The following PLSCR1 variants were observed in gnomAD, a reference collection of about 807,000 sequenced individuals.
PLSCR1 encodes phospholipid scramblase 1.
Under a neutral mutation model 37.8 loss-of-function variants are expected in PLSCR1, and 17 were observed. The observed-to-expected ratio is 0.45, with a 90% confidence interval of 0.31 to 0.68. The LOEUF is 0.68. PLSCR1 is among the 30% of genes least tolerant of loss of function. The pLI, the probability that PLSCR1 is intolerant of heterozygous loss-of-function variation, is 0.06. For missense variants in PLSCR1, 347 were observed against 380.9 expected (o/e 0.91, Z 0.74); for synonymous variants, 116 against 125.9 (o/e 0.92, Z 0.53).
rs529176970 is a variant in PLSCR1, at chr3:146,523,973, A to T, written c.355+1632T>A. ...AAGTCACTCTATAATGCCTATGTGG[A>T]AAGACTCTGAGTCGGATAAAGACGG... On this transcript the variant is annotated intron_variant, in intron 5 of 8. Coordinates refer to ENST00000342435, the MANE Select transcript of PLSCR1 (RefSeq NM_021105.3). Among the ~76,000 whole-genome samples, 16 of 152,348 alleles carry T rather than the reference A, an allele frequency of 1.1e-4. No individual in the cohort carries two copies. The East Asian group carries it at 3.1e-3, about 29-fold the overall frequency.
At position 146,515,252 on chromosome 3, in the gene PLSCR1, TA is replaced by T. The variant is rs2043931577; in HGVS notation, c.*792del. ...ATTATTTAGGTTTATACTCTGTGAA[TA>T]TATATATGATATTGTATTTAATTAA... On this transcript the variant is annotated 3_prime_UTR_variant, in exon 9 of 9. Coordinates refer to ENST00000342435, the MANE Select transcript of PLSCR1 (RefSeq NM_021105.3). 1.3e-5 allele frequency: 2 copies of T among 152,216 alleles called. No individual in the cohort carries two copies. Among genetic ancestry groups the T allele is most frequent in the Admixed American group, 1.3e-4 (2 of 15,274 alleles). 9.4% of individuals were successfully genotyped at this position (152,216 alleles called of 1,614,324 possible).
At chr3:146,522,078 T>G in intron 5 of PLSCR1, 25 bp from the exon 6 acceptor site, 1 of 1,205,160 alleles carries the variant, frequency 8.3e-7, no homozygotes, top group Non-Finnish European at 1.2e-6. Context: ...GACGAAATCA[T>G]AATCACCTCT....
intron 3 of PLSCR1, among the ~76,000 whole-genome samples, chr3:146,530,868 A>G (rs895064808): frequency 6.6e-6 from 1 of 152,206 alleles, no homozygotes; most frequent in African/African-American, 2.4e-5. Context: ...TCTTATCTAT[A>G]TCTTACAAAA....
At position 146,515,917 on chromosome 3, in the gene PLSCR1, T is replaced by C. The variant is rs2043939500; in HGVS notation, c.*128A>G. ...AATCAGTTATACAGAAGATAAACTA[T>C]AATTTGAAAAGCAAAAGTATACAAC... On this transcript the variant is annotated 3_prime_UTR_variant, in exon 9 of 9. Transcript: ENST00000342435. 1 of 576,632 alleles carries C rather than the reference T, an allele frequency of 1.7e-6. No individual in the cohort carries two copies. The highest frequency in any genetic ancestry group is 1.9e-5 in the African/African-American group (1 of 51,398). The allele number at this position is 576,632 out of a possible 1,614,324, so 35.7% of individuals were successfully genotyped here. A position where few individuals can be genotyped will look rare whatever the true frequency, so the allele number is the denominator to read the frequency against.
At chr3:146,526,685 T>C (rs1049676524) in intron 4 of PLSCR1, among the ~76,000 whole-genome samples, 3 of 151,914 alleles carry the variant, frequency 2.0e-5, no homozygotes, top group African/African-American at 7.3e-5. Flanking sequence ...ATACACACAA[T>C]GGAATAAAAA....
chr3:146,539,406 C>G (rs2044308735), intron 1 of PLSCR1, among the ~76,000 whole-genome samples: 1 of 152,200 alleles, frequency 6.6e-6, no homozygotes, highest in African/African-American at 2.4e-5. Context: ...GCTGTACAAG[C>G]CCAGTTCCTA....
At chr3:146,542,722 G>A (rs950378437) in intron 1 of PLSCR1, among the ~76,000 whole-genome samples, 1 of 151,990 alleles carries the variant, frequency 6.6e-6, no homozygotes, top group African/African-American at 2.4e-5. Flanking sequence ...CACTATTCAG[G>A]GCAGTGCAAT....
chr3:146,535,716 G>A (rs1008429641), intron 2 of PLSCR1, among the ~76,000 whole-genome samples: 2 of 152,108 alleles, frequency 1.3e-5, no homozygotes, highest in Non-Finnish European at 2.9e-5. Context: ...AAATAAACCA[G>A]TATAATTCTA....
At chr3:146,520,360 T>A (rs529631259) in intron 7 of PLSCR1, among the ~76,000 whole-genome samples, 145 of 152,300 alleles carry the variant, frequency 9.5e-4, no homozygotes, top group African/African-American at 3.4e-3. Context: ...AAACTTCTGT[T>A]AATATTGTTC....
chr3:146,539,478 A>T (rs2044309524), intron 1 of PLSCR1, among the ~76,000 whole-genome samples: 1 of 152,218 alleles, frequency 6.6e-6, no homozygotes, highest in African/African-American at 2.4e-5. Flanking sequence ...TGTTAAGAAT[A>T]GGTGGAGGAT....
chr3:146,526,183 C>CAAAAAAAAAAAAAAAAAAA (rs60229241), intron 4 of PLSCR1, among the ~76,000 whole-genome samples: 12 of 42,812 alleles, frequency 2.8e-4, no homozygotes, highest in Admixed American at 9.8e-4. Flanking sequence ...GACTCCATCT[C>CAAAAAAAAAAAAAAAAAAA]AAAAAAAAAA....
At chr3:146,525,693 G>GT in intron 4 of PLSCR1, 46 bp from the exon 5 acceptor site, 2 of 856,978 alleles carry the variant, frequency 2.3e-6, no homozygotes, top group Non-Finnish European at 3.7e-6. Context: ...TCAAATGAAG[G>GT]TTTTTATAAG....
intron 2 of PLSCR1, 66 bp downstream of exon 2, chr3:146,536,474 A>C: frequency 1.1e-6 from 1 of 899,244 alleles, no homozygotes. Flanking sequence ...CATTATGACA[A>C]ATAACAAGTT....
At chr3:146,544,425 G>C (rs1319986764) in intron 1 of PLSCR1, 42 bp downstream of exon 1, 3 of 152,418 alleles carry the variant, frequency 2.0e-5, no homozygotes, top group Admixed American at 2.0e-4. Flanking sequence ...CAGTTCCCGC[G>C]CCCAAGTCCC....
In PLSCR1 at chr3:146,521,677, G is replaced by T. The variant is rs778986893; in HGVS notation, c.605C>A (p.Pro202Gln). 6.2e-7 allele frequency: 1 copy of T among 1,612,894 alleles called. No homozygotes were observed. The highest frequency in any genetic ancestry group is 1.3e-5 in the African/African-American group (1 of 74,744). The change falls in exon 7 of 9, where the codon CCA becomes CAA. Residue 202 changes from proline (P) to glutamine (Q), a missense_variant. Transcript: ENST00000342435. ...CCAAGTCTGAATAACATAACCTATTGGTACACCAGGAGGAGCTTGGATTTC... is the reference window on the plus strand; with the variant it reads ...CCAAGTCTGAATAACATAACCTATTTGTACACCAGGAGGAGCTTGGATTTC... ...EIEIQAPPGV[P>Q]IGYVIQTWHP...
In PLSCR1 at chr3:146,526,009, C is replaced by T. The variant is rs141596304; in HGVS notation, c.313-362G>A. Among the ~76,000 whole-genome samples the T allele has an allele frequency of 6.8e-3, 1,024 of 151,268 alleles. 20 individuals are homozygous for T. Among genetic ancestry groups the T allele is most frequent in the East Asian group, 0.035 (181 of 5,126 alleles). ...CCATCCTGGCTGACATGGTGAAACCCTGTCTCTACTAAAAATACAAAAAAT... is the reference window on the plus strand; with the variant it reads ...CCATCCTGGCTGACATGGTGAAACCTTGTCTCTACTAAAAATACAAAAAAT... On this transcript the variant is annotated intron_variant, in intron 4 of 8. Transcript: ENST00000342435.
At chr3:146,522,413 A>G (rs888885741) in intron 5 of PLSCR1, among the ~76,000 whole-genome samples, 3 of 152,046 alleles carry the variant, frequency 2.0e-5, no homozygotes, top group Non-Finnish European at 1.5e-5. Flanking sequence ...GCTCCCTGAA[A>G]CATGTGCTGT....
At chr3:146,533,783 G>A (rs2044231015) in intron 2 of PLSCR1, among the ~76,000 whole-genome samples, 1 of 152,128 alleles carries the variant, frequency 6.6e-6, no homozygotes, top group South Asian at 2.1e-4. Context: ...TTAAGTTACT[G>A]GGGCTGAATT....
rs2044105630 is a variant in PLSCR1 at position 146,526,106 on chromosome 3, C to A, written c.313-459G>T. Among the ~76,000 whole-genome samples the A allele has an allele frequency of 3.5e-5, 5 of 144,460 alleles. No individual in the cohort carries two copies. The South Asian group carries it at 8.5e-4, about 25-fold the overall frequency. The allele number at this position is 144,460 out of a possible 152,430, so 94.8% of individuals were successfully genotyped here. A position where few individuals can be genotyped will look rare whatever the true frequency, so the allele number is the denominator to read the frequency against. ...GCTCAGGCAGGAGAATCGCCTGAAC[C>A]CAGGCGGCAGATGTTGCAGTGAGCC... On this transcript the variant is annotated intron_variant, in intron 4 of 8. Transcript: ENST00000342435.
Sources: allele counts gnomAD v4.1 joint callset (sites outside exome capture counted in the v4.1 genomes callset), GRCh38; gene constraint gnomAD v4.1.1; transcripts MANE v1.5; gene names NCBI Gene and HGNC (gene_info 2026-07-23, HGNC 2026-07-21).